PDE4C: variants seen among roughly 807,000 people sequenced by gnomAD.
PDE4C encodes 3',5'-cyclic-AMP phosphodiesterase 4C.
PDE4C carries 50 observed loss-of-function variants against 63.9 expected under a neutral mutation model. The observed-to-expected ratio is 0.78, with a 90% confidence interval of 0.62 to 0.99. PDE4C has a LOEUF of 0.99. PDE4C is among the 50% of genes least tolerant of loss of function. PDE4C has a pLI of 0.00. For synonymous variants in PDE4C, 377 were observed against 385.1 expected (o/e 0.98, Z 0.25); for missense variants, 777 against 899.1 (o/e 0.86, Z 1.74).
chr19:18,223,252 C>A (rs1294459471), intron 1 of PDE4C, among the ~76,000 whole-genome samples: 1 of 150,636 alleles, frequency 6.6e-6, no homozygotes, highest in Admixed American at 6.6e-5. Flanking sequence ...CTCTTGTTGC[C>A]CAAGCTGGAG....
rs374960054 is a variant in PDE4C, at chr19:18,221,158, G to A, written c.396C>T (p.Thr132=). ...CAAGGGCCGCCACGTTGCTCCGAAC[G>A]GTCCGCAGACTGGCCAGGACCTGTT... Residue 132 remains threonine, a synonymous_variant, in exon 4 of 15, where the codon ACC becomes ACT. Coordinates refer to ENST00000262805, the Ensembl canonical transcript of PDE4C. The A allele has an allele frequency of 1.7e-5, 27 of 1,584,940 alleles. No homozygotes were observed. The African/African-American group carries it at 3.3e-4, about 19-fold the overall frequency.
At chr19:18,237,277 C>T (rs271832), upstream of PDE4C, among the ~76,000 whole-genome samples, 50,935 of 152,032 alleles carry the variant, frequency 0.34, 8,795 homozygotes, top group South Asian at 0.43. Flanking sequence ...CCAGGCCAGG[C>T]GCTGTGGCTC....
chr19:18,222,628 CTTTCT>C (rs1398272826), intron 1 of PDE4C, among the ~76,000 whole-genome samples: 4 of 126,418 alleles, frequency 3.2e-5, no homozygotes, highest in East Asian at 2.1e-4. Context: ...TTTTTTCTCT[CTTTCT>C]TTTTTTTTTT....
At chr19:18,229,265 C>T (rs1302574516), upstream of PDE4C, among the ~76,000 whole-genome samples, 2 of 150,510 alleles carry the variant, frequency 1.3e-5, no homozygotes, top group Non-Finnish European at 3.0e-5. Context: ...TTTTGAGACA[C>T]AGTTTCACTC....
chr19:18,248,598 G>A (rs11086099), upstream of PDE4C, among the ~76,000 whole-genome samples: 30,069 of 151,702 alleles, frequency 0.2, 3,568 homozygotes, highest in Non-Finnish European at 0.26. Flanking sequence ...GCTCTGGGAA[G>A]GGGGGGATTT....
chr19:18,226,612 T>C, upstream of PDE4C: 1 of 397,108 alleles, frequency 2.5e-6, no homozygotes, highest in Non-Finnish European at 4.4e-6. Flanking sequence ...CTCCTTTTTT[T>C]TTTTTTTTTT....
chr19:18,213,460 T>C (rs1968057195), exon 13 of PDE4C: 3 of 1,613,402 alleles, frequency 1.9e-6, no homozygotes, highest in Middle Eastern at 3.3e-4. Context: ...GCCAGGAGGT[T>C]CATGTGTTTG....
intron 1 of PDE4C, among the ~76,000 whole-genome samples, chr19:18,232,767 A>C (rs1335854742): frequency 6.6e-6 from 1 of 152,076 alleles, no homozygotes; most frequent in East Asian, 1.9e-4. Flanking sequence ...CCCACAAGCC[A>C]TGATGACACC....
intron 9 of PDE4C, 85 bp downstream of exon 9, chr19:18,218,855 A>G: frequency 1.0e-6 from 1 of 990,434 alleles, no homozygotes; most frequent in Non-Finnish European, 1.6e-6. Context: ...GGATTTGAAA[A>G]ATGAGTGTCC....
At chr19:18,219,324 G>A in exon 8 of PDE4C, 1 of 1,614,114 alleles carries the variant, frequency 6.2e-7, no homozygotes. Context: ...GCCCATGTAG[G>A]CCACTGATCC....
In PDE4C at chr19:18,222,289, T is replaced by G. The variant is rs369382669; in HGVS notation, c.181A>C (p.Arg61=). The change falls in exon 2 of 15, where the codon AGG becomes CGG. Residue 61 remains arginine, a synonymous_variant. Transcript: ENST00000262805. ...GGGCTGGACTGAGGGTCCAGGGCCC[T>G]CCTCCCACACGAGAGCCCATTTTCC... The G allele has an allele frequency of 9.3e-6, 15 of 1,612,692 alleles. No homozygotes were observed. In the African/African-American group the frequency reaches 1.6e-4, roughly 17 times the overall value.
At chr19:18,240,528 C>T (rs935292260) in intron 1 of PDE4C, among the ~76,000 whole-genome samples, 2 of 151,570 alleles carry the variant, frequency 1.3e-5, no homozygotes, top group African/African-American at 4.9e-5. Context: ...GAGATCGAGA[C>T]CAGCCCGGCC....
chr19:18,218,879 T>C, intron 9 of PDE4C, 61 bp downstream of exon 9: 1 of 1,155,066 alleles, frequency 8.7e-7, no homozygotes. Context: ...AGGTCTGTGG[T>C]AGGAAGCAGT....
At chr19:18,211,131 G>A (rs1178986156) in exon 15 of PDE4C, 16 of 1,614,032 alleles carry the variant, frequency 9.9e-6, no homozygotes, top group Non-Finnish European at 1.4e-5. Context: ...CTCGGGGTTG[G>A]TGAGGTCTGA....
At chr19:18,251,022 C>T (rs1044995563), upstream of PDE4C, among the ~76,000 whole-genome samples, 9 of 152,040 alleles carry the variant, frequency 5.9e-5, no homozygotes, top group East Asian at 1.9e-4. Flanking sequence ...GTGATCCACC[C>T]GCCTCGGCCT....
exon 1 of PDE4C, chr19:18,233,205 G>A (rs1968887826): frequency 6.4e-7 from 1 of 1,555,568 alleles, no homozygotes; most frequent in Non-Finnish European, 8.7e-7. Context: ...CCAGAGAAAG[G>A]GGTCTGGGAT....
At chr19:18,213,240 C>T (rs1429887558) in intron 13 of PDE4C, 128 bp downstream of exon 13, 22 of 727,170 alleles carry the variant, frequency 3.0e-5, no homozygotes, top group African/African-American at 1.5e-4. Context: ...GCCAAGATGG[C>T]GCCACTGCAC....
upstream of PDE4C, chr19:18,226,609 T>A: frequency 2.9e-6 from 1 of 342,770 alleles, no homozygotes; most frequent in Non-Finnish European, 5.2e-6. Flanking sequence ...CTGCTCCTTT[T>A]TTTTTTTTTT....
upstream of PDE4C, among the ~76,000 whole-genome samples, chr19:18,248,875 A>T (rs1281651863): frequency 1.4e-5 from 2 of 144,102 alleles, no homozygotes; most frequent in African/African-American, 5.2e-5. Flanking sequence ...ATACAAAAAA[A>T]TTAGCTGAGT....
Sources: gnomAD v4.1 joint callset for allele counts (sites outside exome capture counted in the v4.1 genomes callset) on GRCh38, gnomAD v4.1.1 for gene constraint, MANE v1.5 for transcripts, NCBI Gene and HGNC (gene_info 2026-07-23, HGNC 2026-07-21) for gene names.